Variants in BRINP2 observed in about 807,000 individuals in gnomAD.
The protein encoded by BRINP2 is BMP/retinoic acid inducible neural specific 2, also known as BMP/retinoic acid-inducible neural-specific protein 2.
A neutral mutation model predicts 69.2 loss-of-function variants in BRINP2; 21 were observed. The observed-to-expected ratio is 0.30, with a 90% CI of 0.22 to 0.44. The LOEUF (loss-of-function observed/expected upper bound fraction) is 0.44, where lower values mean the gene tolerates loss of function less well. Among genes scored for constraint, BRINP2 ranks in the 20% least tolerant of loss-of-function variants. The pLI, the probability that BRINP2 is intolerant of heterozygous loss-of-function variation, is 1.00. For synonymous variants in BRINP2, 380 were observed against 394.1 expected (o/e 0.96, Z 0.42); for missense variants, 877 against 986.0 (o/e 0.89, Z 1.48).
chr1:177,179,612 C>T, intron 1 of BRINP2, among the ~76,000 whole-genome samples: 1 of 152,178 alleles, frequency 6.6e-6, no homozygotes, highest in East Asian at 1.9e-4. Flanking sequence ...TTCTCTCACA[C>T]ACACACACCT....
chr1:177,215,184 C>T (rs188448979), intron 1 of BRINP2, among the ~76,000 whole-genome samples: 46 of 152,246 alleles, frequency 3.0e-4, no homozygotes, highest in African/African-American at 1.1e-3. Flanking sequence ...GTCTATGTCA[C>T]TTAGCATATT....
intron 4 of BRINP2, among the ~76,000 whole-genome samples, chr1:177,264,926 A>T (rs1651070854): frequency 1.3e-5 from 2 of 152,216 alleles, no homozygotes; most frequent in African/African-American, 4.8e-5. Flanking sequence ...GCTACCATTG[A>T]CTTTCTTCAC....
chr1:177,212,342 G>A (rs779997007), intron 1 of BRINP2, among the ~76,000 whole-genome samples: 25 of 152,004 alleles, frequency 1.6e-4, no homozygotes, highest in Non-Finnish European at 2.8e-4. Context: ...TCAGGAGATC[G>A]AGACCATCCC....
At chr1:177,236,258 A>T (rs563759976) in intron 2 of BRINP2, among the ~76,000 whole-genome samples, 4 of 152,336 alleles carry the variant, frequency 2.6e-5, no homozygotes, top group African/African-American at 9.6e-5. Flanking sequence ...ATTTTAACCC[A>T]GAAGTATCTG....
intron 4 of BRINP2, among the ~76,000 whole-genome samples, chr1:177,270,572 T>C (rs1651286882): frequency 6.6e-6 from 1 of 152,046 alleles, no homozygotes; most frequent in Non-Finnish European, 1.5e-5. Context: ...AAAGCTCCTA[T>C]TGTGGCTATT....
In BRINP2 at chr1:177,171,625, A is replaced by T. The variant is rs906470447; in HGVS notation, c.-184A>T. The T allele has an allele frequency of 6.6e-6, 1 of 152,298 alleles. No individual in the cohort carries two copies. Among genetic ancestry groups the T allele is most frequent in the African/African-American group, 2.4e-5 (1 of 41,460 alleles). 9.4% of individuals were successfully genotyped at this position (152,298 alleles called of 1,614,324 possible). ...GAAGTAAAAACTTTGGAAAGCTGCC[A>T]CTGGAGATGTTGCACAAAAACCTGG... On this transcript the variant is annotated 5_prime_UTR_variant, in exon 1 of 8. Coordinates refer to ENST00000361539, the MANE Select transcript of BRINP2 (RefSeq NM_021165.4).
At chr1:177,222,003 G>C (rs1046771384) in intron 1 of BRINP2, among the ~76,000 whole-genome samples, 3 of 152,216 alleles carry the variant, frequency 2.0e-5, no homozygotes, top group Admixed American at 2.0e-4. Flanking sequence ...AAAGGGCCCT[G>C]GGTTGAACCC....
At chr1:177,211,920 A>C (rs1649231454) in intron 1 of BRINP2, among the ~76,000 whole-genome samples, 2 of 152,230 alleles carry the variant, frequency 1.3e-5, no homozygotes, top group Admixed American at 1.3e-4. Flanking sequence ...ATTGCTAAAT[A>C]ATAATTCTCT....
chr1:177,250,317 CTTTGTTTG>C (rs3041985), intron 2 of BRINP2, among the ~76,000 whole-genome samples: 56 of 150,784 alleles, frequency 3.7e-4, no homozygotes, highest in Admixed American at 9.9e-4. Context: ...TGTGTGCATT[CTTTGTTTG>C]TTTGTTTGTT....
chr1:177,203,857 G>T (rs961517995), intron 1 of BRINP2, among the ~76,000 whole-genome samples: 2 of 152,190 alleles, frequency 1.3e-5, no homozygotes, highest in Admixed American at 6.5e-5. Flanking sequence ...CGTGCTATGA[G>T]TAAAAGAGAG....
chr1:177,268,105 T>C lies in BRINP2; in HGVS notation c.670-5383T>C, dbSNP rs1021447644. 2.0e-5 allele frequency among the ~76,000 whole-genome samples: 3 copies of C among 152,218 alleles called. No individual in the cohort carries two copies. In the East Asian group the frequency reaches 5.8e-4, roughly 29 times the overall value. On this transcript the variant is annotated intron_variant, in intron 4 of 7. Transcript: ENST00000361539. ...CTGATGTGGCCTGTTCAAGGACCCA[T>C]TGCTAGACTAAGGAGCAAAGTTGTG...
chr1:177,264,451 T>C (rs1370489964), intron 4 of BRINP2, among the ~76,000 whole-genome samples: 3 of 152,206 alleles, frequency 2.0e-5, no homozygotes, highest in Non-Finnish European at 4.4e-5. Flanking sequence ...CTGGAAGTTC[T>C]GGCCAGGGCA....
rs540634984 is a variant in BRINP2 at position 177,171,029 on chromosome 1, G to T, written c.-780G>T. Among the ~76,000 whole-genome samples, 1 of 152,386 alleles carries T rather than the reference G, an allele frequency of 6.6e-6. No individual in the cohort carries two copies. Among genetic ancestry groups the T allele is most frequent in the East Asian group, 1.9e-4 (1 of 5,184 alleles). On this transcript the variant is annotated 5_prime_UTR_variant, in exon 1 of 8. Coordinates refer to ENST00000361539, the MANE Select transcript of BRINP2 (RefSeq NM_021165.4). ...GGGGACGCGCCGGGCTGCAGCTCTG[G>T]GATGCAATCCGCCTGCCTCGCAAGC...
intron 2 of BRINP2, among the ~76,000 whole-genome samples, chr1:177,236,476 CAT>C (rs1192398143): frequency 6.6e-6 from 1 of 152,200 alleles, no homozygotes; most frequent in African/African-American, 2.4e-5. Flanking sequence ...TATATAGAGA[CAT>C]AGTCATTCAT....
chr1:177,248,357 G>A (rs1408666516), intron 2 of BRINP2, among the ~76,000 whole-genome samples: 1 of 151,916 alleles, frequency 6.6e-6, no homozygotes, highest in Non-Finnish European at 1.5e-5. Flanking sequence ...TTGGATTTTG[G>A]AACATTTTAG....
intron 1 of BRINP2, among the ~76,000 whole-genome samples, chr1:177,217,030 G>A (rs1649401384): frequency 6.6e-6 from 1 of 151,486 alleles, no homozygotes; most frequent in Non-Finnish European, 1.5e-5. Flanking sequence ...TGTATACCTA[G>A]GTGTTGGCTT....
chr1:177,234,912 A>G (rs2102328842), intron 2 of BRINP2, among the ~76,000 whole-genome samples: 1 of 152,342 alleles, frequency 6.6e-6, no homozygotes, highest in East Asian at 1.9e-4. Flanking sequence ...GCTACCAGGG[A>G]TAGAATCAGG....
At chr1:177,247,114 A>C (rs1266698018) in intron 2 of BRINP2, among the ~76,000 whole-genome samples, 1 of 152,218 alleles carries the variant, frequency 6.6e-6, no homozygotes, top group East Asian at 1.9e-4. Flanking sequence ...AAAAGACAAA[A>C]TGGTGATGTC....
At chr1:177,267,223 G>A (rs949014944) in intron 4 of BRINP2, among the ~76,000 whole-genome samples, 1 of 149,914 alleles carries the variant, frequency 6.7e-6, no homozygotes, top group Non-Finnish European at 1.5e-5. Context: ...GCTCTCCAAA[G>A]ACTAGGCACT....
Sources: gnomAD v4.1 joint callset for allele counts (sites outside exome capture counted in the v4.1 genomes callset) on GRCh38, gnomAD v4.1.1 for gene constraint, MANE v1.5 for transcripts, NCBI Gene and HGNC (gene_info 2026-07-23, HGNC 2026-07-21) for gene names.